Variants in CDKAL1 observed in about 807,000 individuals in gnomAD.
CDKAL1 encodes the protein threonylcarbamoyladenosine tRNA methylthiotransferase.
CDKAL1 carries 32 observed loss-of-function variants against 68.2 expected under a neutral mutation model. The ratio of observed to expected loss-of-function variants is 0.47; its 90% CI spans 0.35 to 0.63. CDKAL1 has a LOEUF of 0.63. CDKAL1 is among the 30% of genes least tolerant of loss of function. CDKAL1 has a pLI of 0.00. For synonymous variants in CDKAL1, 234 were observed against 244.3 expected, an observed-to-expected ratio of 0.96 and a Z score of 0.39; for missense variants, 606 against 696.7, an observed-to-expected ratio of 0.87 and a Z score of 1.47.
intron 9 of CDKAL1, among the ~76,000 whole-genome samples, chr6:20,860,118 C>T (rs148444629): frequency 6.6e-6 from 1 of 152,034 alleles, no homozygotes; most frequent in Non-Finnish European, 1.5e-5. Context: ...CGCTTTGTTG[C>T]CCAGGCTGGA....
intron 13 of CDKAL1, among the ~76,000 whole-genome samples, chr6:21,150,558 T>A (rs1234262175): frequency 6.6e-6 from 1 of 152,240 alleles, no homozygotes; most frequent in Non-Finnish European, 1.5e-5. Flanking sequence ...TAAAACTTGC[T>A]TTAAACTTGG....
At chr6:20,769,707 A>G (rs1774857635) in intron 7 of CDKAL1, among the ~76,000 whole-genome samples, 1 of 152,192 alleles carries the variant, frequency 6.6e-6, no homozygotes, top group African/African-American at 2.4e-5. Flanking sequence ...TTAGCGCTGT[A>G]TGTTTTGATA....
chr6:20,753,697 T>C (rs1001992752), intron 6 of CDKAL1, among the ~76,000 whole-genome samples: 2 of 152,268 alleles, frequency 1.3e-5, no homozygotes, highest in Non-Finnish European at 1.5e-5. Flanking sequence ...GAATGGATAC[T>C]TCCGTTCCCA....
At chr6:21,119,446 C>T (rs1017309587) in intron 13 of CDKAL1, among the ~76,000 whole-genome samples, 20 of 152,098 alleles carry the variant, frequency 1.3e-4, no homozygotes, top group African/African-American at 4.6e-4. Context: ...GGGATTTTGT[C>T]TATTTTGTTC....
At chr6:20,729,507 A>G (rs1023063001) in intron 5 of CDKAL1, among the ~76,000 whole-genome samples, 1 of 152,224 alleles carries the variant, frequency 6.6e-6, no homozygotes. Flanking sequence ...TCGTGTAACC[A>G]TATATTGTGG....
intron 15 of CDKAL1, among the ~76,000 whole-genome samples, chr6:21,219,161 C>T (rs1047633659): frequency 6.6e-6 from 1 of 152,146 alleles, no homozygotes; most frequent in Admixed American, 6.5e-5. Context: ...TAAGTACAGT[C>T]ATCTCTTGGT....
Position 20,945,112 on chromosome 6 carries a change from A to C in CDKAL1, c.743-10307A>C, listed in dbSNP as rs75088704. On this transcript the variant is annotated intron_variant, in intron 9 of 15. Transcript: ENST00000274695. ...CACACACACAACCTTTTTACTTAAG[A>C]ATGTAACTATCTTCTCATCTCCTAC... Among the ~76,000 whole-genome samples, 50 of 150,388 alleles carry C rather than the reference A, an allele frequency of 3.3e-4. No individual in the cohort carries two copies. In the East Asian group the frequency reaches 6.4e-3, roughly 19 times the overall value.
At chr6:20,609,542 T>C (rs960260949) in intron 4 of CDKAL1, among the ~76,000 whole-genome samples, 1 of 151,674 alleles carries the variant, frequency 6.6e-6, no homozygotes, top group East Asian at 1.9e-4. Context: ...ATTACAGGTG[T>C]GCACCACCAC....
At chr6:20,559,898 A>G in intron 4 of CDKAL1, among the ~76,000 whole-genome samples, 1 of 152,220 alleles carries the variant, frequency 6.6e-6, no homozygotes, top group Admixed American at 6.5e-5. Flanking sequence ...GTGTTTAAAT[A>G]TTAATTTTCT....
In CDKAL1 at chr6:20,603,799, C is replaced by T. The variant is rs564664526; in HGVS notation, c.287-45494C>T. 2.8e-4 allele frequency among the ~76,000 whole-genome samples: 13 copies of T among 46,594 alleles called. No homozygotes were observed. The East Asian group carries it at 9.7e-3, about 35-fold the overall frequency. 30.6% of individuals were successfully genotyped at this position (46,594 alleles called of 152,430 possible). On this transcript the variant is annotated intron_variant, in intron 4 of 15. Transcript: ENST00000274695. ...TTTTTTTTTTTTTTTTTTTTTGAGA[C>T]GGAGTCTAGCTTAGTCACCCAGGCT...
chr6:21,205,585 C>T (rs1778876577), intron 15 of CDKAL1, among the ~76,000 whole-genome samples: 1 of 151,912 alleles, frequency 6.6e-6, no homozygotes, highest in African/African-American at 2.4e-5. Context: ...GGCTGGAGTG[C>T]AGTGGCCTGA....
rs138175454 is a variant in CDKAL1 at position 20,600,990 on chromosome 6, G to T, written c.287-48303G>T. Among the ~76,000 whole-genome samples the T allele has an allele frequency of 2.5e-3, 379 of 152,076 alleles. 1 individual carries two copies. Among genetic ancestry groups the T allele is most frequent in the African/African-American group, 8.8e-3 (364 of 41,512 alleles). Reference sequence around the variant, plus strand: ...ATGTTTTTGTTACCAAGTTCTGAGTGCTGAATGAGAAACAGTCATGTATTT... The same window carrying T: ...ATGTTTTTGTTACCAAGTTCTGAGTTCTGAATGAGAAACAGTCATGTATTT... On this transcript the variant is annotated intron_variant, in intron 4 of 15. Coordinates refer to ENST00000274695, the MANE Select transcript of CDKAL1 (RefSeq NM_017774.3).
intron 13 of CDKAL1, among the ~76,000 whole-genome samples, chr6:21,155,444 C>T (rs986184942): frequency 1.6e-4 from 24 of 152,204 alleles, no homozygotes; most frequent in African/African-American, 5.5e-4. Context: ...GGGGCATAGC[C>T]GTGACAGGAA....
intron 4 of CDKAL1, among the ~76,000 whole-genome samples, chr6:20,607,277 G>A (rs1242725420): frequency 1.3e-5 from 2 of 152,268 alleles, no homozygotes; most frequent in South Asian, 2.1e-4. Context: ...AGTAATTTCT[G>A]TTGAAATAAC....
chr6:21,114,897 A>G (rs1310994140), intron 13 of CDKAL1, among the ~76,000 whole-genome samples: 1 of 152,184 alleles, frequency 6.6e-6, no homozygotes, highest in Non-Finnish European at 1.5e-5. Flanking sequence ...TCCTATGACT[A>G]CCTTAAGAAC....
chr6:21,229,053 T>C (rs1779858390), intron 15 of CDKAL1, among the ~76,000 whole-genome samples: 1 of 152,102 alleles, frequency 6.6e-6, no homozygotes, highest in Admixed American at 6.5e-5. Context: ...CAGCAGGATA[T>C]CGGCCCGGAT....
chr6:20,682,756 A>G (rs1017897885), intron 5 of CDKAL1, among the ~76,000 whole-genome samples: 3 of 152,194 alleles, frequency 2.0e-5, no homozygotes, highest in African/African-American at 7.2e-5. Flanking sequence ...GAGATTTACT[A>G]TAGCTGTGCT....
At chr6:21,054,915 T>C (rs1378687445) in intron 11 of CDKAL1, among the ~76,000 whole-genome samples, 1 of 151,872 alleles carries the variant, frequency 6.6e-6, no homozygotes, top group African/African-American at 2.4e-5. Context: ...AAAAAAAAAA[T>C]TCTGTCTTTT....
At chr6:20,851,641 A>G (rs1169455291) in intron 9 of CDKAL1, among the ~76,000 whole-genome samples, 2 of 152,132 alleles carry the variant, frequency 1.3e-5, no homozygotes, top group African/African-American at 2.4e-5. Context: ...AAAATAAATT[A>G]GGATGAAATA....
Sources: allele counts gnomAD v4.1 joint callset (sites outside exome capture counted in the v4.1 genomes callset), GRCh38; gene constraint gnomAD v4.1.1; transcripts MANE v1.5; gene names NCBI Gene and HGNC (gene_info 2026-07-23, HGNC 2026-07-21).